PHF24: variants seen among roughly 807,000 people sequenced by gnomAD.
PHF24 encodes the protein Galpha inhibitory interacting protein.
A neutral mutation model predicts 42.6 loss-of-function variants in PHF24; 25 were observed. That is an observed-to-expected ratio of 0.59 (90% CI 0.43 to 0.82). The LOEUF is 0.82. Ranked by LOEUF, PHF24 falls within the 40% of genes least tolerant of loss-of-function variation. The pLI is 0.00. For missense variants in PHF24, 470 were observed against 538.1 expected (o/e 0.87, Z 1.25); for synonymous variants, 185 against 204.8 (o/e 0.90, Z 0.83).
the PHF24 span, among the ~76,000 whole-genome samples, chr9:34,825,132 C>T: frequency 1.3e-5 from 2 of 151,918 alleles, no homozygotes; most frequent in East Asian, 1.9e-4. Flanking sequence ...CCGAGGATAA[C>T]GTGGACTAAG....
At chr9:34,892,777 T>C in the PHF24 span, 3 of 576,536 alleles carry the variant, frequency 5.2e-6, no homozygotes, top group Admixed American at 8.2e-5. Context: ...CAGCTGGGAC[T>C]TGAGATCTCT....
chr9:34,733,801 C>T, the PHF24 span, among the ~76,000 whole-genome samples: 8 of 152,048 alleles, frequency 5.3e-5, no homozygotes, highest in African/African-American at 1.9e-4. Flanking sequence ...CTGTGCCCGG[C>T]CATGGCTTCT....
the PHF24 span, among the ~76,000 whole-genome samples, chr9:34,675,362 C>T: frequency 6.6e-6 from 1 of 152,144 alleles, no homozygotes; most frequent in Non-Finnish European, 1.5e-5. Flanking sequence ...CCTAAGTGGG[C>T]TGTCATGTCT....
the PHF24 span, among the ~76,000 whole-genome samples, chr9:34,802,064 T>G: frequency 6.6e-6 from 1 of 152,180 alleles, no homozygotes; most frequent in African/African-American, 2.4e-5. Flanking sequence ...ATCCCAGAAC[T>G]TGAAGTAAAA....
chr9:34,951,764 A>G, the PHF24 span, among the ~76,000 whole-genome samples: 1 of 152,234 alleles, frequency 6.6e-6, no homozygotes, highest in Non-Finnish European at 1.5e-5. Context: ...GTTAATATAA[A>G]TGAGGAAGAA....
At chr9:34,665,617 C>T in the PHF24 span, 2 of 701,304 alleles carry the variant, frequency 2.9e-6, no homozygotes, top group East Asian at 2.7e-5. Context: ...ACTCACTCCT[C>T]CTCCGCCTCC....
the PHF24 span, among the ~76,000 whole-genome samples, chr9:34,928,216 CAA>C: frequency 3.7e-5 from 4 of 109,252 alleles, no homozygotes; most frequent in South Asian, 3.5e-4. Flanking sequence ...GACTCTGTCT[CAA>C]AAAAAAAAAA....
At chr9:34,674,670 T>C in the PHF24 span, among the ~76,000 whole-genome samples, 1 of 152,270 alleles carries the variant, frequency 6.6e-6, no homozygotes, top group Non-Finnish European at 1.5e-5. Flanking sequence ...GTTTTATTAT[T>C]GGGAACATGA....
chr9:34,762,071 C>A, the PHF24 span, among the ~76,000 whole-genome samples: 3 of 151,906 alleles, frequency 2.0e-5, no homozygotes, highest in Admixed American at 2.0e-4. Flanking sequence ...GTATATGTGC[C>A]ACATTTTCTT....
At chr9:34,753,304 G>A in the PHF24 span, among the ~76,000 whole-genome samples, 1 of 151,882 alleles carries the variant, frequency 6.6e-6, no homozygotes, top group Non-Finnish European at 1.5e-5. Flanking sequence ...ATTTAGTAGT[G>A]GTAAGATACA....
chr9:34,962,718 G>A (rs1452059985), intron 1 of PHF24, among the ~76,000 whole-genome samples: 1 of 152,250 alleles, frequency 6.6e-6, no homozygotes, highest in Admixed American at 6.5e-5. Context: ...TGCTTGCTAA[G>A]TGCAGTCTCA....
chr9:34,674,890 A>G, the PHF24 span, among the ~76,000 whole-genome samples: 1 of 152,128 alleles, frequency 6.6e-6, no homozygotes, highest in East Asian at 1.9e-4. Context: ...TTTTTGAGAC[A>G]GGGTCTCGCT....
At chr9:34,756,350 T>C in the PHF24 span, among the ~76,000 whole-genome samples, 1 of 152,138 alleles carries the variant, frequency 6.6e-6, no homozygotes, top group Non-Finnish European at 1.5e-5. Flanking sequence ...CCAACCACCT[T>C]GGCCTCCCGA....
At chr9:34,935,124 CTAAGG>C in the PHF24 span, among the ~76,000 whole-genome samples, 1 of 152,158 alleles carries the variant, frequency 6.6e-6, no homozygotes. Flanking sequence ...AGATTGTTTA[CTAAGG>C]TAAGAGGGAA....
intron 1 of PHF24, among the ~76,000 whole-genome samples, chr9:34,965,214 C>G (rs1428122480): frequency 6.6e-6 from 1 of 152,234 alleles, no homozygotes; most frequent in Non-Finnish European, 1.5e-5. Context: ...TATTTCAGCA[C>G]ACACACTTTT....
the PHF24 span, chr9:34,922,634 T>C: frequency 8.8e-6 from 9 of 1,028,478 alleles, no homozygotes; most frequent in South Asian, 1.0e-4. Context: ...GGACAGTACA[T>C]CATTGCAGCT....
chr9:34,683,260 C>T, the PHF24 span, among the ~76,000 whole-genome samples: 5 of 152,230 alleles, frequency 3.3e-5, no homozygotes, highest in Non-Finnish European at 7.3e-5. Flanking sequence ...AGGGTTTTGC[C>T]ATGTTGGCCA....
At chr9:34,689,834 C>T in the PHF24 span, 1 of 1,614,170 alleles carries the variant, frequency 6.2e-7, no homozygotes, top group South Asian at 1.1e-5. This position sits in a 1 kb window ranked among gnomAD's most constrained non-coding sequence, Gnocchi z 4.1. Flanking sequence ...TGCTGCGGCG[C>T]TTCATCTAGA....
At chr9:34,803,649 G>A in the PHF24 span, among the ~76,000 whole-genome samples, 48,569 of 152,030 alleles carry the variant, frequency 0.32, 8,325 homozygotes, top group East Asian at 0.55. Context: ...AATATTCTAA[G>A]CGCCTTCCTT....
Sources: gnomAD v4.1 joint callset for allele counts (sites outside exome capture counted in the v4.1 genomes callset) on GRCh38, gnomAD v4.1.1 for gene constraint, Gnocchi (gnomAD v3.1) non-coding constraint, MANE v1.5 for transcripts, NCBI Gene and HGNC (gene_info 2026-07-23, HGNC 2026-07-21) for gene names.